The following AGK variants were observed in gnomAD, a reference collection of about 807,000 sequenced individuals.
The protein encoded by AGK is acylglycerol kinase.
In AGK, 52 loss-of-function variants were observed where a neutral mutation model predicts 66.4. The observed-to-expected ratio is 0.78, with a 90% CI of 0.63 to 0.99. The LOEUF (loss-of-function observed/expected upper bound fraction) is 0.99, where lower values mean the gene tolerates loss of function less well. Ranked by LOEUF, AGK falls within the 50% of genes least tolerant of loss-of-function variation. The pLI is 0.00. For synonymous variants in AGK, 182 were observed against 181.1 expected, an observed-to-expected ratio of 1.00 and a Z score of -0.04; for missense variants, 451 against 506.6, an observed-to-expected ratio of 0.89 and a Z score of 1.05.
At chr7:141,625,976 T>C (rs928821879) in intron 9 of AGK, among the ~76,000 whole-genome samples, 1 of 152,188 alleles carries the variant, frequency 6.6e-6, no homozygotes, top group African/African-American at 2.4e-5. Flanking sequence ...GATTTATACA[T>C]GAACTGATGA....
intron 13 of AGK, among the ~76,000 whole-genome samples, chr7:141,644,893 A>G (rs1405559328): frequency 6.6e-6 from 1 of 152,038 alleles, no homozygotes; most frequent in African/African-American, 2.4e-5. Flanking sequence ...CATCATGTCT[A>G]TATACATGTA....
At chr7:141,641,208 G>T in intron 11 of AGK, 40 bp from the exon 12 acceptor site, 1 of 1,587,408 alleles carries the variant, frequency 6.3e-7, no homozygotes, top group East Asian at 2.2e-5. Flanking sequence ...GAGTGGAATT[G>T]TACATGCATA....
chr7:141,607,251 C>G (rs564025989), intron 5 of AGK, among the ~76,000 whole-genome samples: 14 of 152,214 alleles, frequency 9.2e-5, no homozygotes, highest in African/African-American at 3.4e-4. Context: ...GTGGCTGTAC[C>G]ATTTTGTATT....
intron 9 of AGK, among the ~76,000 whole-genome samples, chr7:141,632,147 C>T (rs377101347): frequency 1.3e-5 from 2 of 151,876 alleles, no homozygotes; most frequent in East Asian, 3.9e-4. Flanking sequence ...AGGAGAATCA[C>T]TTGAACCTGG....
At position 141,621,786 on chromosome 7, in the gene AGK, T is replaced by C. The variant is rs776709096; in HGVS notation, c.573T>C (p.Asp191=). 4 of 1,613,138 alleles carry C rather than the reference T, an allele frequency of 2.5e-6. No homozygotes were observed. The East Asian group carries it at 8.9e-5, about 36-fold the overall frequency. The change falls in exon 9 of 16, where the codon GAT becomes GAC. Residue 191 remains aspartate, a synonymous_variant. Transcript: ENST00000649286. ...AIVKGETVPL[D]VLQIKGEKEQ... ...TGAAAGGAGAGACAGTTCCACTTGA[T>C]GTCTTGCAGATCAAGGTAAATCTTT...
At chr7:141,586,347 C>A (rs1301413767) in intron 2 of AGK, among the ~76,000 whole-genome samples, 1 of 152,206 alleles carries the variant, frequency 6.6e-6, no homozygotes, top group Admixed American at 6.5e-5. Context: ...CCCCGCTCAT[C>A]TGTGCTTTCA....
intron 2 of AGK, among the ~76,000 whole-genome samples, chr7:141,569,634 A>C (rs112825029): frequency 6.6e-6 from 1 of 152,206 alleles, no homozygotes; most frequent in East Asian, 1.9e-4. Flanking sequence ...AACTCATTTC[A>C]TCTTCCTTAT....
intron 9 of AGK, among the ~76,000 whole-genome samples, chr7:141,629,778 C>G (rs908550353): frequency 3.3e-5 from 5 of 152,008 alleles, no homozygotes; most frequent in African/African-American, 1.2e-4. Context: ...TTCCTAAAAA[C>G]TCTTCCCCCC....
rs147011286 is a variant in AGK at position 141,580,385 on chromosome 7, G to A, written c.102-12761G>A. Among the ~76,000 whole-genome samples the A allele has an allele frequency of 7.2e-3, 1,099 of 151,950 alleles. 33 individuals carry two copies. Among genetic ancestry groups the A allele is most frequent in the African/African-American group, 0.023 (961 of 41,302 alleles). On this transcript the variant is annotated intron_variant, in intron 2 of 15. Coordinates refer to ENST00000649286, the MANE Select transcript of AGK (RefSeq NM_018238.4). ...CCATCAATAAACCAAATGTGATCAG[G>A]GTGAGGAACAGGAAAGAAGGAAATA...
At chr7:141,587,348 G>A (rs1427634453) in intron 2 of AGK, among the ~76,000 whole-genome samples, 1 of 152,144 alleles carries the variant, frequency 6.6e-6, no homozygotes, top group African/African-American at 2.4e-5. Flanking sequence ...TCTGACCAAT[G>A]CCTTCTTCAC....
chr7:141,652,972 G>A lies in AGK; in HGVS notation c.*48G>A. 6.2e-7 allele frequency: 1 copy of A among 1,606,822 alleles called. No individual in the cohort carries two copies. Among genetic ancestry groups the A allele is most frequent in the South Asian group, 1.1e-5 (1 of 90,600 alleles). ...AGACCACACTTTAGGCCACCGGTGG[G>A]ACCAAAAGGGAACAGGTGCCTCAGC... On this transcript the variant is annotated 3_prime_UTR_variant, in exon 16 of 16. Transcript: ENST00000649286.
At chr7:141,578,109 C>T (rs999107204) in intron 2 of AGK, among the ~76,000 whole-genome samples, 1 of 152,180 alleles carries the variant, frequency 6.6e-6, no homozygotes, top group Non-Finnish European at 1.5e-5. Flanking sequence ...GACCACCAAA[C>T]AGGCTTTGTG....
intron 2 of AGK, among the ~76,000 whole-genome samples, chr7:141,572,496 T>C (rs538692358): frequency 5.9e-5 from 9 of 152,320 alleles, no homozygotes; most frequent in African/African-American, 2.2e-4. Context: ...CTCAGTTTCC[T>C]TATAAGTGTA....
At chr7:141,629,277 C>T (rs1797005639) in intron 9 of AGK, among the ~76,000 whole-genome samples, 1 of 152,172 alleles carries the variant, frequency 6.6e-6, no homozygotes, top group Non-Finnish European at 1.5e-5. Context: ...TTATTTTCTT[C>T]CACAAACCCT....
At position 141,652,733 on chromosome 7, in the gene AGK, C is replaced by A. The variant is rs116805982; in HGVS notation, c.1132-54C>A. 360 of 1,590,894 alleles carry A rather than the reference C, an allele frequency of 2.3e-4. No individual in the cohort carries two copies. In the African/African-American group the frequency reaches 4.2e-3, roughly 19 times the overall value. On this transcript the variant is annotated intron_variant, in intron 15 of 15. Transcript: ENST00000649286. ...TCTGGTGCTGCTGTGAGACCTCCAA[C>A]TCCAGTAGGCCACTGATGTGTTTGA...
intron 4 of AGK, among the ~76,000 whole-genome samples, chr7:141,597,573 A>T (rs1388101478): frequency 6.6e-6 from 1 of 151,956 alleles, no homozygotes; most frequent in East Asian, 1.9e-4. Context: ...GCTTTTTGGG[A>T]ATCAGAAAAT....
At chr7:141,594,810 G>A (rs576612813) in intron 3 of AGK, among the ~76,000 whole-genome samples, 9 of 152,118 alleles carry the variant, frequency 5.9e-5, no homozygotes, top group African/African-American at 1.9e-4. Context: ...ATGCCACCAA[G>A]CCTGGCTAAT....
chr7:141,616,887 A>G (rs553504563), intron 8 of AGK, among the ~76,000 whole-genome samples: 2 of 151,516 alleles, frequency 1.3e-5, no homozygotes, highest in African/African-American at 4.8e-5. Flanking sequence ...GCCTCCGAGT[A>G]GCTGGGACTA....
intron 2 of AGK, among the ~76,000 whole-genome samples, chr7:141,585,169 C>A (rs530084269): frequency 6.6e-6 from 1 of 152,144 alleles, no homozygotes; most frequent in Non-Finnish European, 1.5e-5. Flanking sequence ...GAGATTCTGT[C>A]GGCCGAAAAG....
Sources: gnomAD v4.1 joint callset for allele counts (sites outside exome capture counted in the v4.1 genomes callset) on GRCh38, gnomAD v4.1.1 for gene constraint, MANE v1.5 for transcripts, NCBI Gene and HGNC (gene_info 2026-07-23, HGNC 2026-07-21) for gene names.